Variants in NGDN observed in about 807,000 individuals in gnomAD.
NGDN encodes neuroguidin, also known as EIF4E-binding protein.
In NGDN, 41 loss-of-function variants were observed where a neutral mutation model predicts 45.2. The observed-to-expected ratio is 0.91, with a 90% CI of 0.71 to 1.18. NGDN has a LOEUF of 1.18. Among genes scored for constraint, NGDN ranks in the 50% most tolerant of loss-of-function variants. The pLI, the probability that NGDN is intolerant of heterozygous loss-of-function variation, is 0.00. For missense variants in NGDN, 402 were observed against 399.9 expected (o/e 1.01, Z -0.05); for synonymous variants, 137 against 130.9 (o/e 1.05, Z -0.32).
Position 23,476,372 on chromosome 14 carries a change from C to T in NGDN, c.678C>T (p.Pro226=). The T allele has an allele frequency of 6.2e-7, 1 of 1,612,458 alleles. No homozygotes were observed. Among genetic ancestry groups the T allele is most frequent in the Non-Finnish European group, 8.5e-7 (1 of 1,179,918 alleles). Residue 226 remains proline (P), a synonymous_variant, in exon 8 of 11, where the codon CCC becomes CCT. Coordinates refer to ENST00000408901, the MANE Select transcript of NGDN (RefSeq NM_001042635.2). ...APEEIRDARH[P]HVTRQSQEDQ... ...AGGAAATCCGTGATGCTCGGCATCCCCATGTTACCCGCCAGAGTCAGGAGG... is the reference window on the plus strand; with the variant it reads ...AGGAAATCCGTGATGCTCGGCATCCTCATGTTACCCGCCAGAGTCAGGAGG...
chr14:23,469,755 G>A, intron 1 of NGDN, 28 bp downstream of exon 1: 1 of 1,614,048 alleles, frequency 6.2e-7, no homozygotes, highest in Non-Finnish European at 8.5e-7. Flanking sequence ...TCTTCCTCGC[G>A]TAGCTATTGT....
chr14:23,470,168 A>G (rs891237272), intron 2 of NGDN, 67 bp downstream of exon 2: 4 of 1,398,000 alleles, frequency 2.9e-6, no homozygotes, highest in African/African-American at 2.8e-5. Context: ...CTTCACCTCA[A>G]AACTTTGGTG....
chr14:23,477,246 C>T lies in NGDN; in HGVS notation c.760C>T (p.Arg254Ter), dbSNP rs779916029. The part of the protein sequence containing the change: ...SMMVRLSVSK[R>*]EKGRRKRANV... ...GATGGTGCGTTTGAGCGTCAGTAAG[C>T]GAGAGAAAGGACGGCGAAAACGAGC... Residue 254 changes from arginine to a stop codon, truncating the protein, a stop_gained, in exon 9 of 11, where the codon CGA (arginine) becomes TGA (stop). Coordinates refer to ENST00000408901, the MANE Select transcript of NGDN (RefSeq NM_001042635.2). LOFTEE classifies it high-confidence loss of function. 2.7e-5 allele frequency: 43 copies of T among 1,613,984 alleles called. No homozygotes were observed. The highest frequency in any genetic ancestry group is 3.6e-5 in the Non-Finnish European group (42 of 1,180,006).
At position 23,477,373 on chromosome 14, in the gene NGDN, G is replaced by T. The variant is rs1316491953; in HGVS notation, c.870+17G>T. On this transcript the variant is annotated intron_variant, in intron 9 of 10. Transcript: ENST00000408901. ...CTTGATGAGGTGAGGTTGAGATATG[G>T]TTGTAGTAGGATGTGACTTTCATGC... 6.2e-7 allele frequency: 1 copy of T among 1,613,960 alleles called. No homozygotes were observed.
At position 23,477,249 on chromosome 14, in the gene NGDN, G is replaced by A. The variant is rs766888404; in HGVS notation, c.763G>A (p.Glu255Lys). ...MMVRLSVSKR[E>K]KGRRKRANVM... is the part of the protein sequence containing the mutation. ...GGTGCGTTTGAGCGTCAGTAAGCGAGAGAAAGGACGGCGAAAACGAGCAAA... is the reference window on the plus strand; with the variant it reads ...GGTGCGTTTGAGCGTCAGTAAGCGAAAGAAAGGACGGCGAAAACGAGCAAA... The change falls in exon 9 of 11, where the codon GAG becomes AAG. Residue 255 changes from glutamate (E) to lysine (K), a missense_variant. Transcript: ENST00000408901. 6.2e-7 allele frequency: 1 copy of A among 1,614,192 alleles called. No homozygotes were observed. Among genetic ancestry groups the A allele is most frequent in the Non-Finnish European group, 8.5e-7 (1 of 1,180,018 alleles).
chr14:23,471,058 A>G (rs1486579768), intron 3 of NGDN, 81 bp downstream of exon 3: 41 of 951,502 alleles, frequency 4.3e-5, no homozygotes, highest in Non-Finnish European at 3.3e-5. Context: ...TGTGTCTTAT[A>G]TATCCTAAGT....
At chr14:23,470,834 C>A in intron 2 of NGDN, 72 bp from the exon 3 acceptor site, 1 of 1,206,774 alleles carries the variant, frequency 8.3e-7, no homozygotes, top group Non-Finnish European at 1.2e-6. Flanking sequence ...CATTGTTTAG[C>A]TTTTGCTCTT....
chr14:23,475,460 A>T (rs564499749), intron 4 of NGDN, 98 bp from the exon 5 acceptor site: 19 of 1,383,136 alleles, frequency 1.4e-5, no homozygotes, highest in Non-Finnish European at 1.9e-5. Context: ...TACTTTGTAC[A>T]TATTTTAGGT....
In NGDN at chr14:23,477,867, C is replaced by A. The variant is rs917021187; in HGVS notation, c.929-140C>A. 3.2e-6 allele frequency: 5 copies of A among 1,548,170 alleles called. No individual in the cohort carries two copies. In the East Asian group the frequency reaches 1.1e-4, roughly 35 times the overall value. On this transcript the variant is annotated intron_variant, in intron 10 of 10. Transcript: ENST00000408901. ...TTTCAATTTTATTCCTACTTCTCGT[C>A]TTTTGTCCTGGGAAGATATTCAGGG... is the stretch of plus-strand genomic sequence containing the variant.
intron 10 of NGDN, 181 bp from the exon 11 acceptor site, chr14:23,477,826 A>C: frequency 6.8e-7 from 1 of 1,472,404 alleles, no homozygotes; most frequent in Non-Finnish European, 9.0e-7. Context: ...TGTCACTTGA[A>C]GGAACCATTA....
At position 23,475,504 on chromosome 14, in the gene NGDN, T is replaced by C. The variant is rs1025663312; in HGVS notation, c.283-54T>C. 20 of 1,550,918 alleles carry C rather than the reference T, an allele frequency of 1.3e-5. No individual in the cohort carries two copies. The African/African-American group carries it at 2.4e-4, about 19-fold the overall frequency. On this transcript the variant is annotated intron_variant, in intron 4 of 10. Coordinates refer to ENST00000408901, the MANE Select transcript of NGDN (RefSeq NM_001042635.2). ...TGGCACCTTAATATAGGGACTCTGG[T>C]GTGTGCTTCATTTTGGGAAGGAAAT...
chr14:23,469,921 G>A, intron 1 of NGDN, 121 bp from the exon 2 acceptor site: 2 of 1,248,564 alleles, frequency 1.6e-6, no homozygotes, highest in Admixed American at 1.9e-5. Flanking sequence ...GAACCCGAGT[G>A]TGAAGGCCCC....
In NGDN at chr14:23,470,071, C is replaced by T. The variant is rs1308095692; in HGVS notation, c.42C>T (p.Ala14=). The T allele has an allele frequency of 3.1e-6, 5 of 1,614,072 alleles. No homozygotes were observed. The East Asian group carries it at 6.7e-5, about 22-fold the overall frequency. Residue 14 remains alanine (A), a synonymous_variant, in exon 2 of 11, where the codon GCC becomes GCT. Transcript: ENST00000408901. ...LGVLESDLPS[A]VTLLKNLQEQ... The stretch of plus-strand genomic sequence containing the variant: ...TGCTGGAGTCCGACCTGCCAAGTGC[C>T]GTGACACTTCTGAAAAATCTCCAGG...
chr14:23,476,351 A>G lies in NGDN; in HGVS notation c.657A>G (p.Glu219=). 6.2e-7 allele frequency: 1 copy of G among 1,613,426 alleles called. No homozygotes were observed. Residue 219 remains glutamate (E), a synonymous_variant, in exon 8 of 11, where the codon GAA becomes GAG. Coordinates refer to ENST00000408901, the MANE Select transcript of NGDN (RefSeq NM_001042635.2). ...AGCAGTACTCAGATGCTCCAGAGGAAATCCGTGATGCTCGGCATCCCCATG... is the reference window on the plus strand; with the variant it reads ...AGCAGTACTCAGATGCTCCAGAGGAGATCCGTGATGCTCGGCATCCCCATG... ...LKEQYSDAPE[E]IRDARHPHVT...
In NGDN at chr14:23,475,556, A is replaced by G. The variant is rs766006039; in HGVS notation, c.283-2A>G. 2 of 1,613,440 alleles carry G rather than the reference A, an allele frequency of 1.2e-6. No homozygotes were observed. Among genetic ancestry groups the G allele is most frequent in the Non-Finnish European group, 1.7e-6 (2 of 1,179,638 alleles). ...TAATCCTGATTAACTACCATGTTGT[A>G]GGTTTTGGAAAAGCTTCGTCCCTTG... On this transcript the variant is annotated splice_acceptor_variant, in intron 4 of 10. Transcript: ENST00000408901. LOFTEE classifies it high-confidence loss of function.
chr14:23,475,539 A>C lies in NGDN; in HGVS notation c.283-19A>C. 1 of 1,611,086 alleles carries C rather than the reference A, an allele frequency of 6.2e-7. No homozygotes were observed. The highest frequency in any genetic ancestry group is 8.5e-7 in the Non-Finnish European group (1 of 1,178,024). On this transcript the variant is annotated intron_variant, in intron 4 of 10. Coordinates refer to ENST00000408901, the MANE Select transcript of NGDN (RefSeq NM_001042635.2). ...ATTTTGGGAAGGAAATATAATCCTG[A>C]TTAACTACCATGTTGTAGGTTTTGG...
rs904539751 is a variant in NGDN, at chr14:23,470,988, C to T, written c.144+11C>T. 59 of 1,507,864 alleles carry T rather than the reference C, an allele frequency of 3.9e-5. No homozygotes were observed. Among genetic ancestry groups the T allele is most frequent in the Non-Finnish European group, 5.1e-5 (57 of 1,128,502 alleles). The allele number at this position is 1,507,864 out of a possible 1,614,324, so 93.4% of individuals were successfully genotyped here. On this transcript the variant is annotated intron_variant, in intron 3 of 10. Transcript: ENST00000408901. ...TATCCTACAGAAAAGGTAAGATGTA[C>T]TCAAACAGTAAGCATCCCCTGACTT...
In NGDN at chr14:23,476,269, G is replaced by A. The variant is rs190389644; in HGVS notation, c.575G>A (p.Arg192His). 8.3e-5 allele frequency: 134 copies of A among 1,614,124 alleles called. No individual in the cohort carries two copies. Among genetic ancestry groups the A allele is most frequent in the East Asian group, 3.3e-4 (15 of 44,880 alleles). Reference protein sequence around the residue: ...DETEAEREKKRLERAKRRALS... With the variant: ...DETEAEREKKHLERAKRRALS... ...ACAGAAGCTGAGCGGGAGAAGAAGC[G>A]TCTAGAACGAGCCAAGAGACGGGCA... Residue 192 changes from arginine to histidine, a missense_variant, in exon 8 of 11, where the codon CGT becomes CAT. Transcript: ENST00000408901.
At chr14:23,476,917 A>G (rs113729546) in intron 8 of NGDN, among the ~76,000 whole-genome samples, 1,894 of 152,338 alleles carry the variant, frequency 0.012, 33 homozygotes, top group African/African-American at 0.041. Flanking sequence ...ACCTGCTTAT[A>G]GAGCTGAAAT....
Sources: gnomAD v4.1 joint callset for allele counts (sites outside exome capture counted in the v4.1 genomes callset) on GRCh38, gnomAD v4.1.1 for gene constraint, MANE v1.5 for transcripts, NCBI Gene and HGNC (gene_info 2026-07-23, HGNC 2026-07-21) for gene names.